The following FBXO17 variants were observed in gnomAD, a reference collection of about 807,000 sequenced individuals.
The protein encoded by FBXO17 is F-box only protein 17.
FBXO17 carries 43 observed loss-of-function variants against 34.1 expected under a neutral mutation model. That is an observed-to-expected ratio of 1.26 (90% CI 0.99 to 1.62). The LOEUF is 1.62. Among genes scored for constraint, FBXO17 ranks in the 40% most tolerant of loss-of-function variants. The pLI is 0.00. For synonymous variants in FBXO17, 169 were observed against 166.0 expected, an observed-to-expected ratio of 1.02 and a Z score of -0.14; for missense variants, 424 against 386.7, an observed-to-expected ratio of 1.10 and a Z score of -0.81.
chr19:38,943,680 C>T (rs888872536), intron 5 of FBXO17, among the ~76,000 whole-genome samples: 6 of 152,074 alleles, frequency 3.9e-5, no homozygotes, highest in African/African-American at 1.4e-4. Flanking sequence ...ACCTCCACCT[C>T]CCCCGGTTCA....
At chr19:38,966,407 G>C (rs1975322670) in intron 1 of FBXO17, among the ~76,000 whole-genome samples, 1 of 151,706 alleles carries the variant, frequency 6.6e-6, no homozygotes, top group Non-Finnish European at 1.5e-5. Flanking sequence ...CAAAGTGCTA[G>C]GATTACAGGC....
chr19:38,957,493 C>A (rs1975183181), intron 1 of FBXO17, among the ~76,000 whole-genome samples: 1 of 152,158 alleles, frequency 6.6e-6, no homozygotes, highest in African/African-American at 2.4e-5. Flanking sequence ...TTACAGGCAC[C>A]TGCCACCACG....
rs779477030 is a variant in FBXO17 at position 38,942,626 on chromosome 19, G to T, written c.819C>A (p.Val273=). The T allele has an allele frequency of 6.3e-7, 1 of 1,584,274 alleles. No individual in the cohort carries two copies. Among genetic ancestry groups the T allele is most frequent in the African/African-American group, 1.4e-5 (1 of 72,574 alleles). The change falls in exon 6 of 6, where the codon GTC becomes GTA. Residue 273 remains valine, a synonymous_variant. Transcript: ENST00000292852. ...CCAGTCGCTAGGACAGACGGATCCTGACCCTCACACTGGAGTGGGTCACAA... is the reference window on the plus strand; with the variant it reads ...CCAGTCGCTAGGACAGACGGATCCTTACCCTCACACTGGAGTGGGTCACAA... ...GALVTHSSVR[V]RIRLS is the part of the protein sequence containing the mutation.
chr19:38,942,658 C>G lies in FBXO17; in HGVS notation c.787G>C (p.Gly263Arg). The G allele has an allele frequency of 6.2e-7, 1 of 1,600,200 alleles. No homozygotes were observed. The highest frequency in any genetic ancestry group is 1.4e-5 in the African/African-American group (1 of 73,744). Residue 263 changes from glycine to arginine, a missense_variant, in exon 6 of 6, where the codon GGC (glycine) becomes CGC (arginine). Coordinates refer to ENST00000292852, the MANE Select transcript of FBXO17 (RefSeq NM_024907.7). ...ACACTGGAGTGGGTCACAAGGGCGC[C>G]ATAGTGCCCCACCCAGGAACTCACG... is the stretch of plus-strand genomic sequence containing the variant. ...RDVSSWVGHYGALVTHSSVRV... is the reference protein window; with the variant it reads ...RDVSSWVGHYRALVTHSSVRV...
chr19:38,950,967 T>G (rs1009524220), intron 1 of FBXO17, among the ~76,000 whole-genome samples: 1 of 151,780 alleles, frequency 6.6e-6, no homozygotes, highest in Non-Finnish European at 1.5e-5. Context: ...AATTTTTGTA[T>G]TTTTAGTAGA....
chr19:38,958,349 G>C (rs1046936621), intron 1 of FBXO17, among the ~76,000 whole-genome samples: 1 of 144,498 alleles, frequency 6.9e-6, no homozygotes, highest in African/African-American at 2.5e-5. Context: ...TGGAGATTGT[G>C]GTAAGCTGAG....
intron 1 of FBXO17, among the ~76,000 whole-genome samples, chr19:38,967,195 C>T (rs1034109121): frequency 2.5e-4 from 38 of 152,176 alleles, no homozygotes; most frequent in Non-Finnish European, 5.1e-4. Flanking sequence ...CAGTGGCTCA[C>T]GCCTGTAATC....
intron 1 of FBXO17, among the ~76,000 whole-genome samples, chr19:38,963,789 CT>C (rs34339732): frequency 2.7e-4 from 39 of 146,002 alleles, no homozygotes; most frequent in African/African-American, 2.0e-4. Flanking sequence ...GTTTTCTTTG[CT>C]TTTTTTTTTT....
Position 38,975,554 on chromosome 19 carries a change from G to A in FBXO17, c.-18+32C>T, listed in dbSNP as rs1004898208. 1 of 152,140 alleles carries A rather than the reference G, an allele frequency of 6.6e-6. No individual in the cohort carries two copies. Among genetic ancestry groups the A allele is most frequent in the Non-Finnish European group, 1.5e-5 (1 of 68,038 alleles). 9.4% of individuals were successfully genotyped at this position (152,140 alleles called of 1,614,324 possible). A position where few individuals can be genotyped will look rare whatever the true frequency, so the allele number is the denominator to read the frequency against. On this transcript the variant is annotated intron_variant, in intron 1 of 5. Transcript: ENST00000292852. The surrounding 1 kb of genome is among the most constrained non-coding windows in gnomAD (Gnocchi z 4.9). ...AGAACGGGACTGACGCTTGGGTCCC[G>A]ACCTGGGTCCCCTACCTGTCCCGGC... is the stretch of plus-strand genomic sequence containing the variant.
intron 3 of FBXO17, 129 bp downstream of exon 3, chr19:38,948,438 A>C: frequency 1.5e-6 from 1 of 662,044 alleles, no homozygotes; most frequent in Non-Finnish European, 2.6e-6. Context: ...GATTGATGGA[A>C]TGAATCAATG....
chr19:38,967,405 A>G (rs1975335127), intron 1 of FBXO17, among the ~76,000 whole-genome samples: 1 of 152,062 alleles, frequency 6.6e-6, no homozygotes. Context: ...ACGCCATCGC[A>G]CTCCAGCCTG....
At chr19:38,948,277 A>C (rs927746268) in intron 3 of FBXO17, among the ~76,000 whole-genome samples, 6 of 152,178 alleles carry the variant, frequency 3.9e-5, no homozygotes, top group Non-Finnish European at 7.3e-5. Context: ...TGCCCGGCCC[A>C]AAACCCTGTC....
chr19:38,971,852 C>T (rs951535073), intron 1 of FBXO17, among the ~76,000 whole-genome samples: 1 of 151,828 alleles, frequency 6.6e-6, no homozygotes, highest in Admixed American at 6.6e-5. Flanking sequence ...CAGTGTTAGT[C>T]ATAGGTGAAC....
chr19:38,952,191 C>T (rs886672510), intron 1 of FBXO17, among the ~76,000 whole-genome samples: 5 of 152,126 alleles, frequency 3.3e-5, no homozygotes, highest in African/African-American at 1.2e-4. Flanking sequence ...AAGTGATCCA[C>T]CTGTCTCAGC....
At chr19:38,968,402 CCT>C (rs1288406758) in intron 1 of FBXO17, among the ~76,000 whole-genome samples, 1 of 151,666 alleles carries the variant, frequency 6.6e-6, no homozygotes, top group Admixed American at 6.6e-5. Flanking sequence ...AGGAGGATCC[CCT>C]GAGTCCAGGA....
At chr19:38,973,012 G>T (rs970839935) in intron 1 of FBXO17, among the ~76,000 whole-genome samples, 2 of 152,184 alleles carry the variant, frequency 1.3e-5, no homozygotes, top group African/African-American at 4.8e-5. Flanking sequence ...TGGCATTACA[G>T]GCATAAGTCA....
intron 1 of FBXO17, among the ~76,000 whole-genome samples, chr19:38,957,006 A>G (rs530497561): frequency 7.2e-5 from 11 of 152,330 alleles, no homozygotes; most frequent in Non-Finnish European, 1.6e-4. Context: ...CACCATGCCC[A>G]GCCTCTGACA....
At chr19:38,951,924 T>C (rs899418791) in intron 1 of FBXO17, among the ~76,000 whole-genome samples, 11 of 152,102 alleles carry the variant, frequency 7.2e-5, no homozygotes, top group Non-Finnish European at 1.5e-4. Context: ...GCTGGGATTA[T>C]AGGCTTGAGC....
In FBXO17 at chr19:38,942,605, T is replaced by G; in HGVS notation, c.*3A>C. ...CTGACAACGTCAGGCAGTAGTCCAG[T>G]CGCTAGGACAGACGGATCCTGACCC... On this transcript the variant is annotated 3_prime_UTR_variant, in exon 6 of 6. Transcript: ENST00000292852. The G allele has an allele frequency of 6.4e-7, 1 of 1,551,452 alleles. No individual in the cohort carries two copies. Among genetic ancestry groups the G allele is most frequent in the Non-Finnish European group, 8.7e-7 (1 of 1,155,116 alleles).
Sources: allele counts gnomAD v4.1 joint callset (sites outside exome capture counted in the v4.1 genomes callset), GRCh38; gene constraint gnomAD v4.1.1; non-coding constraint Gnocchi (gnomAD v3.1); transcripts MANE v1.5; gene names NCBI Gene and HGNC (gene_info 2026-07-23, HGNC 2026-07-21).